Variants in USP22 observed in about 807,000 individuals in gnomAD.
The protein encoded by USP22 is ubiquitin carboxyl-terminal hydrolase 22.
A neutral mutation model predicts 68.1 loss-of-function variants in USP22; 22 were observed. The ratio of observed to expected loss-of-function variants is 0.32; its 90% CI spans 0.23 to 0.46. The LOEUF (loss-of-function observed/expected upper bound fraction) is 0.46. USP22 is among the 20% of genes least tolerant of loss of function. USP22 has a pLI of 1.00. For missense variants in USP22, 433 were observed against 695.8 expected (o/e 0.62, Z 4.25); for synonymous variants, 279 against 274.2 (o/e 1.02, Z -0.17).
At chr17:21,020,613 C>G (rs1023274393) in intron 3 of USP22, among the ~76,000 whole-genome samples, 2 of 152,206 alleles carry the variant, frequency 1.3e-5, no homozygotes, top group Non-Finnish European at 2.9e-5. Flanking sequence ...ACAACTTGAT[C>G]CGAAAATAGT....
chr17:21,003,284 A>C (rs1019458411), intron 12 of USP22, among the ~76,000 whole-genome samples: 2 of 150,904 alleles, frequency 1.3e-5, no homozygotes, highest in East Asian at 2.0e-4. Flanking sequence ...CCCGACCACC[A>C]CCCCCACCTG....
chr17:21,008,099 C>T, intron 8 of USP22, 103 bp from the exon 9 acceptor site: 2 of 1,361,048 alleles, frequency 1.5e-6, no homozygotes, highest in Non-Finnish European at 2.0e-6. Context: ...GATTTCCCTA[C>T]CAAAAACATA....
chr17:21,022,786 G>GA (rs1567589825), intron 2 of USP22, among the ~76,000 whole-genome samples: 1 of 129,472 alleles, frequency 7.7e-6, no homozygotes, highest in Non-Finnish European at 1.7e-5. Flanking sequence ...GCAACAGAGC[G>GA]AGACTCCGTC....
chr17:21,005,745 GGACTGT>G (rs1913757639), intron 10 of USP22, among the ~76,000 whole-genome samples: 2 of 152,164 alleles, frequency 1.3e-5, no homozygotes, highest in Non-Finnish European at 2.9e-5. Flanking sequence ...GCTGGGGCTG[GGACTGT>G]GGCCACCAAA....
chr17:21,028,347 G>T (rs4985820), intron 2 of USP22, among the ~76,000 whole-genome samples, 195 bp downstream of exon 2: 113,619 of 151,996 alleles, frequency 0.75, 42,944 homozygotes, highest in South Asian at 0.83. Flanking sequence ...CATCGGATGC[G>T]AAGGCAAACT....
chr17:21,034,996 G>C (rs1368671496), intron 1 of USP22, among the ~76,000 whole-genome samples: 1 of 152,128 alleles, frequency 6.6e-6, no homozygotes, highest in Non-Finnish European at 1.5e-5. Context: ...CTCAAGGATG[G>C]GGGTGAGTAC....
intron 2 of USP22, among the ~76,000 whole-genome samples, chr17:21,026,145 C>A (rs1461071295): frequency 6.6e-6 from 1 of 152,146 alleles, no homozygotes; most frequent in African/African-American, 2.4e-5. Flanking sequence ...GTAAGCCCAG[C>A]TACTCGGGTG....
chr17:21,020,489 TTCTGGTGGGTCTAGTTTCCA>T (rs1477895695), intron 3 of USP22, among the ~76,000 whole-genome samples: 1,587 of 152,100 alleles, frequency 0.01, 25 homozygotes, highest in African/African-American at 0.035. Flanking sequence ...CCTAGTTTCC[TTCTGGTGGGTCTAGTTTCCA>T]TCTGGTGGGT....
At chr17:21,034,044 C>T (rs1038265068) in intron 1 of USP22, among the ~76,000 whole-genome samples, 7 of 151,790 alleles carry the variant, frequency 4.6e-5, no homozygotes, top group African/African-American at 1.5e-4. Flanking sequence ...CCACCGTGCC[C>T]GGCCTAAATA....
chr17:21,036,030 CAAAAAAAAAAAAAAAAAAAAA>C (rs35324126), intron 1 of USP22, among the ~76,000 whole-genome samples: 1 of 59,638 alleles, frequency 1.7e-5, no homozygotes, highest in East Asian at 4.9e-4. Context: ...GACTCCGTCT[CAAAAAAAAAAAAAAAAAAAAA>C]AAAAGGAATG....
chr17:21,008,195 A>G lies in USP22; in HGVS notation c.1104-199T>C, dbSNP rs560932852. Among the ~76,000 whole-genome samples, 13 of 152,344 alleles carry G rather than the reference A, an allele frequency of 8.5e-5. No individual in the cohort carries two copies. In the East Asian group the frequency reaches 1.7e-3, roughly 20 times the overall value. Reference sequence around the variant, plus strand: ...TGTCTCTACAGAATATTTATCTTAAATATTTTTTTTCCAGGAAAGGCCTGG... The same window carrying G: ...TGTCTCTACAGAATATTTATCTTAAGTATTTTTTTTCCAGGAAAGGCCTGG... On this transcript the variant is annotated intron_variant, in intron 8 of 12. Coordinates refer to ENST00000261497, the MANE Select transcript of USP22 (RefSeq NM_015276.2).
Position 20,999,899 on chromosome 17 carries a change from G to A in USP22, c.*3132C>T, listed in dbSNP as rs1913500574. Reference sequence around the variant, plus strand: ...ATGTTGCAGTGGTGCTGGCGCTGGAGGGAATGCCCAGGGAGGCTGCAGTGC... The same window carrying A: ...ATGTTGCAGTGGTGCTGGCGCTGGAAGGAATGCCCAGGGAGGCTGCAGTGC... On this transcript the variant is annotated 3_prime_UTR_variant, in exon 13 of 13. Transcript: ENST00000261497. 1 of 152,284 alleles carries A rather than the reference G, an allele frequency of 6.6e-6. No homozygotes were observed. Among genetic ancestry groups the A allele is most frequent in the Admixed American group, 6.5e-5 (1 of 15,290 alleles). 9.4% of individuals were successfully genotyped at this position (152,284 alleles called of 1,614,324 possible).
At chr17:21,029,452 CAA>C (rs1227933319) in intron 1 of USP22, among the ~76,000 whole-genome samples, 2 of 152,226 alleles carry the variant, frequency 1.3e-5, no homozygotes, top group Non-Finnish European at 2.9e-5. Flanking sequence ...TATACAAACA[CAA>C]AGTCTTCTTC....
rs1182329459 is a variant in USP22, at chr17:20,999,840, CA to C, written c.*3190del. 2.6e-5 allele frequency: 4 copies of C among 152,216 alleles called. No individual in the cohort carries two copies. The highest frequency in any genetic ancestry group is 9.7e-5 in the African/African-American group (4 of 41,446). 9.4% of individuals were successfully genotyped at this position (152,216 alleles called of 1,614,324 possible). On this transcript the variant is annotated 3_prime_UTR_variant, in exon 13 of 13. Transcript: ENST00000261497. ...AATTTTACACAATGAAGAGCATACA[CA>C]CCAAGCCAAAATACAATAGCACTCA...
intron 1 of USP22, among the ~76,000 whole-genome samples, chr17:21,041,459 G>A (rs532256377): frequency 9.2e-5 from 14 of 152,090 alleles, no homozygotes; most frequent in Admixed American, 5.2e-4. Flanking sequence ...TTAGCCGGGC[G>A]TGGTAGCAGG....
intron 1 of USP22, among the ~76,000 whole-genome samples, chr17:21,032,638 C>A (rs1039695364): frequency 5.9e-5 from 9 of 152,164 alleles, no homozygotes; most frequent in Non-Finnish European, 1.2e-4. Flanking sequence ...CCTTTCACAG[C>A]ACTGTAAAGT....
chr17:21,018,424 A>G (rs181305727), intron 4 of USP22: 13 of 154,206 alleles, frequency 8.4e-5, no homozygotes, highest in Non-Finnish European at 1.3e-5. Flanking sequence ...AGGTTTTTAA[A>G]AATGTTCTAG....
intron 9 of USP22, among the ~76,000 whole-genome samples, chr17:21,007,603 G>T (rs1913819326): frequency 6.6e-6 from 1 of 152,136 alleles, no homozygotes; most frequent in South Asian, 2.1e-4. Flanking sequence ...AATGGTAGAA[G>T]TAATAAAAAC....
chr17:21,002,855 G>A lies in USP22; in HGVS notation c.*176C>T, dbSNP rs1913637191. On this transcript the variant is annotated 3_prime_UTR_variant, in exon 13 of 13. Coordinates refer to ENST00000261497, the MANE Select transcript of USP22 (RefSeq NM_015276.2). ...CAGCTCCAGGAGCCTCCCCGTCCGT[G>A]TGGTCCATCCCGACCCGATGGGTCC... 1.4e-6 allele frequency: 1 copy of A among 711,772 alleles called. No individual in the cohort carries two copies. 44.1% of individuals were successfully genotyped at this position (711,772 alleles called of 1,614,324 possible).
Sources: gnomAD v4.1 joint callset for allele counts (sites outside exome capture counted in the v4.1 genomes callset) on GRCh38, gnomAD v4.1.1 for gene constraint, MANE v1.5 for transcripts, NCBI Gene and HGNC (gene_info 2026-07-23, HGNC 2026-07-21) for gene names.